Variants in MOXD1 observed in about 807,000 individuals in gnomAD.
The protein encoded by MOXD1 is DBH-like monooxygenase protein 1.
Under a neutral mutation model 66.6 loss-of-function variants are expected in MOXD1, and 62 were observed. The observed-to-expected ratio is 0.93, with a 90% CI of 0.76 to 1.15. MOXD1 has a LOEUF of 1.15. MOXD1 is among the 50% of genes most tolerant of loss of function. MOXD1 has a pLI of 0.00. For missense variants in MOXD1, 847 were observed against 754.6 expected (o/e 1.12, Z -1.44); for synonymous variants, 303 against 281.9 (o/e 1.07, Z -0.75).
chr6:132,377,882 A>G (rs564230788), intron 1 of MOXD1, among the ~76,000 whole-genome samples: 1 of 152,206 alleles, frequency 6.6e-6, no homozygotes, highest in East Asian at 1.9e-4. Context: ...AATCCCAGCA[A>G]TTTAGGAGGC....
intron 4 of MOXD1, among the ~76,000 whole-genome samples, chr6:132,340,638 A>ATCTTTTTTTTTTTTTTTTTTTTT (rs1562287208): frequency 2.0e-5 from 2 of 98,786 alleles, no homozygotes; most frequent in African/African-American, 8.9e-5. Context: ...AACAAGACTC[A>ATCTTTTTTTTTTTTTTTTTTTTT]TTTTTTTTTT....
At chr6:132,394,267 C>T (rs955342088) in intron 1 of MOXD1, among the ~76,000 whole-genome samples, 1 of 152,242 alleles carries the variant, frequency 6.6e-6, no homozygotes, top group East Asian at 1.9e-4. Flanking sequence ...GAGTCAAGGC[C>T]AAAGTGCCCT....
chr6:132,382,724 G>A (rs1292701254), intron 1 of MOXD1, among the ~76,000 whole-genome samples: 1 of 152,136 alleles, frequency 6.6e-6, no homozygotes, highest in African/African-American at 2.4e-5. Context: ...GTTTCAAAAT[G>A]CTATGTAGCA....
rs569793901 is a variant in MOXD1 at position 132,385,023 on chromosome 6, G to A, written c.265-10246C>T. On this transcript the variant is annotated intron_variant, in intron 1 of 11. Transcript: ENST00000367963. ...GTGGTAGTATCACTGGAGAGAGGTG[G>A]GCAGGTGTTAGATTTAGTTTCGAGG... Among the ~76,000 whole-genome samples, 4 of 152,274 alleles carry A rather than the reference G, an allele frequency of 2.6e-5. No individual in the cohort carries two copies. In the East Asian group the frequency reaches 7.7e-4, roughly 29 times the overall value.
At chr6:132,396,808 C>T (rs1159934988) in intron 1 of MOXD1, among the ~76,000 whole-genome samples, 1 of 152,112 alleles carries the variant, frequency 6.6e-6, no homozygotes, top group Non-Finnish European at 1.5e-5. Flanking sequence ...ATACAACCTA[C>T]CAAGACTGAA....
intron 9 of MOXD1, 42 bp downstream of exon 9, chr6:132,320,587 C>G (rs1158847133): frequency 6.9e-7 from 1 of 1,453,720 alleles, no homozygotes. Context: ...TTATTTCTTT[C>G]TCTCCATAAA....
chr6:132,321,300 C>T (rs956602737), intron 8 of MOXD1, among the ~76,000 whole-genome samples: 9 of 151,562 alleles, frequency 5.9e-5, no homozygotes, highest in South Asian at 2.1e-4. Context: ...ACAGCTGTTA[C>T]GAGGAGATTA....
In MOXD1 at chr6:132,360,323, C is replaced by T. The variant is rs1775990793; in HGVS notation, c.663+12285G>A. 2.6e-5 allele frequency among the ~76,000 whole-genome samples: 4 copies of T among 152,336 alleles called. No individual in the cohort carries two copies. The South Asian group carries it at 8.3e-4, about 32-fold the overall frequency. ...CCTTTCTGGGCGTCAGTTTCCTCAT[C>T]TGTAAAATGAAGATAGTAACACTGC... On this transcript the variant is annotated intron_variant, in intron 4 of 11. Transcript: ENST00000367963.
chr6:132,379,841 G>A (rs1776474183), intron 1 of MOXD1, among the ~76,000 whole-genome samples: 1 of 151,800 alleles, frequency 6.6e-6, no homozygotes, highest in South Asian at 2.1e-4. Context: ...TCTTTTTTGA[G>A]ACAGGGTCTC....
At chr6:132,373,172 T>TGCAC (rs1424600493) in intron 2 of MOXD1, among the ~76,000 whole-genome samples, 175 bp from the exon 3 acceptor site, 1 of 152,200 alleles carries the variant, frequency 6.6e-6, no homozygotes, top group Non-Finnish European at 1.5e-5. Flanking sequence ...ATTAAGTCAT[T>TGCAC]AAGGATCCAA....
intron 10 of MOXD1, 34 bp downstream of exon 10, chr6:132,315,601 C>T (rs780416131): frequency 5.7e-6 from 9 of 1,585,124 alleles, no homozygotes; most frequent in African/African-American, 4.1e-5. Flanking sequence ...CTCTGAAATA[C>T]GTTACCCCAT....
At chr6:132,324,607 A>G (rs2114576117) in intron 6 of MOXD1, among the ~76,000 whole-genome samples, 1 of 152,334 alleles carries the variant, frequency 6.6e-6, no homozygotes, top group South Asian at 2.1e-4. Flanking sequence ...TTTCTTCTTC[A>G]TTCAACAGCC....
At chr6:132,390,135 C>T (rs368804205) in intron 1 of MOXD1, among the ~76,000 whole-genome samples, 2 of 151,630 alleles carry the variant, frequency 1.3e-5, no homozygotes. Flanking sequence ...GCTTACTAAA[C>T]ATCTGTGTAA....
chr6:132,394,438 A>G (rs779886531), intron 1 of MOXD1, among the ~76,000 whole-genome samples: 2 of 152,248 alleles, frequency 1.3e-5, no homozygotes, highest in South Asian at 2.1e-4. Context: ...AAGGCACACC[A>G]TAATTATCCA....
chr6:132,325,823 G>A (rs1775173694), intron 6 of MOXD1, among the ~76,000 whole-genome samples: 1 of 152,140 alleles, frequency 6.6e-6, no homozygotes, highest in African/African-American at 2.4e-5. Context: ...TCAATAAATG[G>A]CAGCTAGTCA....
chr6:132,303,644 G>A (rs1774597499), intron 10 of MOXD1, among the ~76,000 whole-genome samples: 1 of 147,986 alleles, frequency 6.8e-6, no homozygotes, highest in African/African-American at 2.5e-5. Flanking sequence ...TCTGAAGTTG[G>A]TTGAATCCAT....
Position 132,297,207 on chromosome 6 carries a change from G to C in MOXD1, c.1788C>G (p.Asn596Lys). Residue 596 changes from asparagine to lysine, a missense_variant, in exon 12 of 12, where the codon AAC (asparagine) becomes AAG (lysine). Asn to Lys is a moderately conservative substitution (Grantham distance 94). Transcript: ENST00000367963. Reference protein sequence around the residue: ...SSSLHRDFSINLLVCLLLLSC... With the variant: ...SSSLHRDFSIKLLVCLLLLSC... ...TGAGTAGCAGAAGGCAAACAAGCAA[G>C]TTGATGGAGAAATCTCTGTGCAGGG... 1 of 1,613,650 alleles carries C rather than the reference G, an allele frequency of 6.2e-7. No individual in the cohort carries two copies. The highest frequency in any genetic ancestry group is 1.1e-5 in the South Asian group (1 of 91,052).
chr6:132,351,787 T>A (rs921903143), intron 4 of MOXD1, among the ~76,000 whole-genome samples: 13 of 152,216 alleles, frequency 8.5e-5, no homozygotes, highest in Admixed American at 2.0e-4. Context: ...GGTAATTTTT[T>A]AATTATCCTT....
rs1265057206 is a variant in MOXD1 at position 132,373,111 on chromosome 6, A to G, written c.412-114T>C. 7 of 1,057,842 alleles carry G rather than the reference A, an allele frequency of 6.6e-6. No individual in the cohort carries two copies. The African/African-American group carries it at 1.1e-4, about 17-fold the overall frequency. 65.5% of individuals were successfully genotyped at this position (1,057,842 alleles called of 1,614,324 possible). A position where few individuals can be genotyped will look rare whatever the true frequency, so the allele number is the denominator to read the frequency against. Reference sequence around the variant, plus strand: ...ATATAGAAGTGAAGAAAAGACAATAATGACATTTGGAGTTATCAACATGGT... The same window carrying G: ...ATATAGAAGTGAAGAAAAGACAATAGTGACATTTGGAGTTATCAACATGGT... On this transcript the variant is annotated intron_variant, in intron 2 of 11. Transcript: ENST00000367963.
Sources: allele counts gnomAD v4.1 joint callset (sites outside exome capture counted in the v4.1 genomes callset), GRCh38; gene constraint gnomAD v4.1.1; transcripts MANE v1.5; gene names NCBI Gene and HGNC (gene_info 2026-07-23, HGNC 2026-07-21).